The following XPO6 variants were observed in gnomAD, a reference collection of about 807,000 sequenced individuals.
XPO6 encodes the protein exportin-6.
A neutral mutation model predicts 130.0 loss-of-function variants in XPO6; 3 were observed. The observed-to-expected ratio is 0.02, with a 90% CI of 0.01 to 0.06. The LOEUF (loss-of-function observed/expected upper bound fraction) is 0.06. Ranked by LOEUF, XPO6 falls within the 10% of genes least tolerant of loss-of-function variation. The pLI, the probability that XPO6 is intolerant of heterozygous loss-of-function variation, is 1.00. For synonymous variants in XPO6, 524 were observed against 548.9 expected (o/e 0.95, Z 0.63); for missense variants, 970 against 1,393.0 (o/e 0.70, Z 4.83).
intron 17 of XPO6, 83 bp from the exon 18 acceptor site, chr16:28,107,760 C>T: frequency 6.7e-7 from 1 of 1,498,050 alleles, no homozygotes; most frequent in Non-Finnish European, 9.2e-7. Flanking sequence ...AGGGAGGAAA[C>T]TTGCAAAGGT....
rs541473562 is a variant in XPO6 at position 28,120,101 on chromosome 16, T to A, written c.1859+1569A>T. On this transcript the variant is annotated intron_variant, in intron 14 of 23. Transcript: ENST00000304658. Reference sequence around the variant, plus strand: ...CTCAAGTGATCCGCCTGCCTCGGCCTCCCAAAATGCTGGGATTACAGGTAT... The same window carrying A: ...CTCAAGTGATCCGCCTGCCTCGGCCACCCAAAATGCTGGGATTACAGGTAT... 7.3e-4 allele frequency among the ~76,000 whole-genome samples: 111 copies of A among 152,296 alleles called. 1 individual carries two copies. Among genetic ancestry groups the A allele is most frequent in the Non-Finnish European group, 1.3e-3 (90 of 68,028 alleles).
At chr16:28,135,592 T>C (rs2042760051) in intron 9 of XPO6, among the ~76,000 whole-genome samples, 1 of 152,250 alleles carries the variant, frequency 6.6e-6, no homozygotes, top group Non-Finnish European at 1.5e-5. Context: ...CAATAATTTC[T>C]GTCTTAAAAT....
At chr16:28,112,054 G>A (rs183819334) in intron 16 of XPO6, 48 bp from the exon 17 acceptor site, 9 of 1,559,496 alleles carry the variant, frequency 5.8e-6, no homozygotes, top group Non-Finnish European at 7.8e-6. Context: ...GCCAAAGACC[G>A]TGGTGCGGCA....
chr16:28,200,300 T>G (rs1046990676), intron 1 of XPO6, among the ~76,000 whole-genome samples: 2 of 152,206 alleles, frequency 1.3e-5, no homozygotes, highest in Non-Finnish European at 2.9e-5. Context: ...GAGATCTTTT[T>G]CATTATAACC....
intron 1 of XPO6, among the ~76,000 whole-genome samples, chr16:28,200,858 T>G (rs1469277337): frequency 6.6e-6 from 1 of 152,034 alleles, no homozygotes; most frequent in African/African-American, 2.4e-5. Context: ...TATGAGAGAT[T>G]AAATCAAATA....
Position 28,098,381 on chromosome 16 carries a change from G to A in XPO6, c.*157C>T, listed in dbSNP as rs761077450. The stretch of plus-strand genomic sequence containing the variant: ...CCAGAAGCCAGCTCTGCTGGGCAGC[G>A]GCAAGATGTGGAGGAGCGGCAGAGG... On this transcript the variant is annotated 3_prime_UTR_variant, in exon 24 of 24. Coordinates refer to ENST00000304658, the MANE Select transcript of XPO6 (RefSeq NM_015171.4). 4.7e-6 allele frequency: 3 copies of A among 632,180 alleles called. No homozygotes were observed. Among genetic ancestry groups the A allele is most frequent in the Admixed American group, 2.8e-5 (1 of 36,322 alleles). 39.2% of individuals were successfully genotyped at this position (632,180 alleles called of 1,614,324 possible). A position where few individuals can be genotyped will look rare whatever the true frequency, so the allele number is the denominator to read the frequency against.
intron 14 of XPO6, among the ~76,000 whole-genome samples, chr16:28,118,602 C>T (rs2087135265): frequency 6.6e-6 from 1 of 152,252 alleles, no homozygotes; most frequent in Admixed American, 6.5e-5. Context: ...AGCGATCCTT[C>T]TGCCTTGGCC....
In XPO6 at chr16:28,101,910, G is replaced by T; in HGVS notation, c.2982C>A (p.His994Gln). ...FGQSFLQPDI[H>Q]LFKQNLFYLE... is the part of the protein sequence containing the mutation. The stretch of plus-strand genomic sequence containing the variant: ...AGTAGAAGAGATTTTGTTTAAAAAG[G>T]TGGATGTCGGGCTGGAGAAAGGACT... Residue 994 changes from histidine to glutamine, a missense_variant, in exon 22 of 24, where the codon CAC (histidine) becomes CAA (glutamine). His to Gln is a conservative substitution (Grantham distance 24, BLOSUM62 0). Transcript: ENST00000304658. The surrounding 1 kb of genome is among the most constrained non-coding windows in gnomAD (Gnocchi z 5.4). The T allele has an allele frequency of 6.2e-7, 1 of 1,614,124 alleles. No individual in the cohort carries two copies. The highest frequency in any genetic ancestry group is 1.3e-5 in the African/African-American group (1 of 75,026).
At chr16:28,159,684 T>A (rs1396126799) in intron 6 of XPO6, among the ~76,000 whole-genome samples, 1 of 152,224 alleles carries the variant, frequency 6.6e-6, no homozygotes, top group African/African-American at 2.4e-5. Flanking sequence ...CTTTCCCATC[T>A]TTCACAAGGA....
At chr16:28,210,026 G>A (rs1006078609) in intron 1 of XPO6, among the ~76,000 whole-genome samples, 2 of 152,140 alleles carry the variant, frequency 1.3e-5, no homozygotes, top group African/African-American at 4.8e-5. Context: ...CTACTTGGGA[G>A]GCTAAGGTGG....
intron 14 of XPO6, among the ~76,000 whole-genome samples, chr16:28,121,074 T>C (rs1353211450): frequency 6.6e-6 from 1 of 152,280 alleles, no homozygotes; most frequent in Non-Finnish European, 1.5e-5. Flanking sequence ...TCCTTCCATA[T>C]GTCACTTTCC....
intron 15 of XPO6, among the ~76,000 whole-genome samples, chr16:28,113,868 T>C (rs879864838): frequency 1.3e-5 from 2 of 152,186 alleles, no homozygotes; most frequent in African/African-American, 4.8e-5. Context: ...CCTGATGGGA[T>C]AGGACTATTT....
chr16:28,202,248 A>C (rs1251137096), intron 1 of XPO6, among the ~76,000 whole-genome samples: 1 of 152,232 alleles, frequency 6.6e-6, no homozygotes, highest in Non-Finnish European at 1.5e-5. Context: ...GGGACCTCAA[A>C]GTAAGTAAGA....
intron 6 of XPO6, among the ~76,000 whole-genome samples, chr16:28,159,495 G>T (rs2043237510): frequency 6.6e-6 from 1 of 152,108 alleles, no homozygotes; most frequent in Non-Finnish European, 1.5e-5. Flanking sequence ...AAAAACTCAG[G>T]TAACTCCACA....
At chr16:28,153,039 C>T in intron 7 of XPO6, 10 of 1,100,142 alleles carry the variant, frequency 9.1e-6, no homozygotes, top group Admixed American at 5.5e-5. Context: ...AGTGCGCTCA[C>T]ATTTTCTAAG....
chr16:28,122,763 T>C (rs188556820), intron 13 of XPO6, among the ~76,000 whole-genome samples: 2 of 152,204 alleles, frequency 1.3e-5, no homozygotes. Flanking sequence ...AAAGGAAATG[T>C]TTCAGATGGG....
At chr16:28,164,030 A>G (rs1312804370) in intron 6 of XPO6, among the ~76,000 whole-genome samples, 1 of 152,206 alleles carries the variant, frequency 6.6e-6, no homozygotes, top group Non-Finnish European at 1.5e-5. Flanking sequence ...ACTTTTTTCT[A>G]CATCCAGACT....
At chr16:28,131,962 T>C (rs927650779) in intron 12 of XPO6, among the ~76,000 whole-genome samples, 1 of 152,240 alleles carries the variant, frequency 6.6e-6, no homozygotes, top group African/African-American at 2.4e-5. Context: ...AGCTGCACTA[T>C]GGCCTTCCAA....
chr16:28,177,095 T>G, intron 3 of XPO6, 125 bp downstream of exon 3: 1 of 498,112 alleles, frequency 2.0e-6, no homozygotes, highest in East Asian at 3.6e-5. Flanking sequence ...AGACAGTATG[T>G]GGGACGACAT....
Sources: allele counts gnomAD v4.1 joint callset (sites outside exome capture counted in the v4.1 genomes callset), GRCh38; gene constraint gnomAD v4.1.1; non-coding constraint Gnocchi (gnomAD v3.1); transcripts MANE v1.5; gene names NCBI Gene and HGNC (gene_info 2026-07-23, HGNC 2026-07-21).